SLC4A8: variants seen among roughly 807,000 people sequenced by gnomAD.
The protein encoded by SLC4A8 is electroneutral sodium bicarbonate exchanger 1.
Under a neutral mutation model 125.0 loss-of-function variants are expected in SLC4A8, and 40 were observed. The observed-to-expected ratio is 0.32, with a 90% CI of 0.25 to 0.42. The LOEUF is 0.42. Among genes scored for constraint, SLC4A8 ranks in the 10% least tolerant of loss-of-function variants. SLC4A8 has a pLI of 1.00. For synonymous variants in SLC4A8, 456 were observed against 476.0 expected, an observed-to-expected ratio of 0.96 and a Z score of 0.55; for missense variants, 863 against 1,355.1, an observed-to-expected ratio of 0.64 and a Z score of 5.70.
chr12:51,434,462 C>T (rs2138088269), intron 1 of SLC4A8, among the ~76,000 whole-genome samples: 1 of 152,252 alleles, frequency 6.6e-6, no homozygotes, highest in East Asian at 1.9e-4. Context: ...CAAGCCTGAC[C>T]TTTCAAATGC....
chr12:51,512,942 G>C lies in SLC4A8; in HGVS notation c.*5504G>C, dbSNP rs1361862270. The C allele has an allele frequency of 6.6e-6, 1 of 152,210 alleles. No homozygotes were observed. Among genetic ancestry groups the C allele is most frequent in the African/African-American group, 2.4e-5 (1 of 41,460 alleles). The allele number at this position is 152,210 out of a possible 1,614,324, so 9.4% of individuals were successfully genotyped here. Reference sequence around the variant, plus strand: ...TTAGGTGATTTCCATGACCACATTTGCTTGGGCCAGGGAAGTGGTGCACCT... The same window carrying C: ...TTAGGTGATTTCCATGACCACATTTCCTTGGGCCAGGGAAGTGGTGCACCT... On this transcript the variant is annotated 3_prime_UTR_variant, in exon 25 of 25. Coordinates refer to ENST00000453097, the MANE Select transcript of SLC4A8 (RefSeq NM_001039960.3).
chr12:51,434,951 A>G (rs1949352164), intron 1 of SLC4A8, among the ~76,000 whole-genome samples: 1 of 152,198 alleles, frequency 6.6e-6, no homozygotes, highest in Admixed American at 6.5e-5. Flanking sequence ...TGTACTGGAC[A>G]TTGTACTGGG....
At chr12:51,404,696 A>C (rs958732755) in intron 1 of SLC4A8, among the ~76,000 whole-genome samples, 4 of 152,206 alleles carry the variant, frequency 2.6e-5, no homozygotes, top group African/African-American at 9.7e-5. Flanking sequence ...GAAAGCAGAG[A>C]AAGATAAAGA....
chr12:51,437,421 A>G (rs910291182), intron 1 of SLC4A8, among the ~76,000 whole-genome samples: 8 of 152,214 alleles, frequency 5.3e-5, no homozygotes, highest in Non-Finnish European at 1.0e-4. Flanking sequence ...CAGATGCCTC[A>G]TGAATGTCTT....
chr12:51,415,611 A>C (rs2137983861), intron 1 of SLC4A8, among the ~76,000 whole-genome samples: 1 of 152,032 alleles, frequency 6.6e-6, no homozygotes, highest in East Asian at 1.9e-4. Context: ...TCTTTCTTGT[A>C]TGTCCAGTAA....
At chr12:51,391,696 C>T (rs1351207335) in intron 1 of SLC4A8, 1 of 152,194 alleles carries the variant, frequency 6.6e-6, no homozygotes, top group Admixed American at 6.5e-5. Context: ...CGGGACCTCC[C>T]CCAGCTGCAC....
intron 16 of SLC4A8, 27 bp downstream of exon 16, chr12:51,475,233 T>G: frequency 6.2e-7 from 1 of 1,609,636 alleles, no homozygotes; most frequent in Non-Finnish European, 8.5e-7. Flanking sequence ...TGCATTTCTT[T>G]CACGTTAGAA....
chr12:51,498,202 G>A (rs1478770329), intron 22 of SLC4A8, among the ~76,000 whole-genome samples: 1 of 152,078 alleles, frequency 6.6e-6, no homozygotes, highest in Non-Finnish European at 1.5e-5. Context: ...AAAATGTGAT[G>A]CTTTCAGGCA....
At position 51,394,969 on chromosome 12, in the gene SLC4A8, C is replaced by T. The variant is rs144184061; in HGVS notation, c.-112+3481C>T. On this transcript the variant is annotated intron_variant, in intron 1 of 24. Coordinates refer to the SLC4A8 transcript ENST00000358657. ...GCTTGAGCCTAGGAGTTAGAGGCTG[C>T]GGCGAGCTGTGACTGCAATGCTACA... Among the ~76,000 whole-genome samples, 1,143 of 151,826 alleles carry T rather than the reference C, an allele frequency of 7.5e-3. 24 individuals are homozygous for T. Among genetic ancestry groups the T allele is most frequent in the African/African-American group, 0.026 (1,088 of 41,356 alleles).
In SLC4A8 at chr12:51,508,684, G is replaced by A. The variant is rs1938263802; in HGVS notation, c.*1246G>A. 1.3e-5 allele frequency: 2 copies of A among 152,396 alleles called. No homozygotes were observed. Among genetic ancestry groups the A allele is most frequent in the African/African-American group, 2.4e-5 (1 of 41,444 alleles). 9.4% of individuals were successfully genotyped at this position (152,396 alleles called of 1,614,324 possible). On this transcript the variant is annotated 3_prime_UTR_variant, in exon 25 of 25. Coordinates refer to ENST00000453097, the MANE Select transcript of SLC4A8 (RefSeq NM_001039960.3). ...TATTTAATTTAAAACTACATTTATA[G>A]TTTTTCTCTTCTCTTCTATGTTGCA...
At chr12:51,477,639 A>G (rs1160951078) in intron 16 of SLC4A8, among the ~76,000 whole-genome samples, 1 of 152,230 alleles carries the variant, frequency 6.6e-6, no homozygotes, top group Non-Finnish European at 1.5e-5. Context: ...ACCATACCAC[A>G]TGATGACTCC....
At chr12:51,481,642 G>A (rs1306138599) in intron 16 of SLC4A8, among the ~76,000 whole-genome samples, 1 of 151,992 alleles carries the variant, frequency 6.6e-6, no homozygotes, top group Admixed American at 6.6e-5. Context: ...AAAATCCTAG[G>A]TTATGAAACA....
At chr12:51,497,365 T>A (rs1175446960) in intron 22 of SLC4A8, 1 of 450,418 alleles carries the variant, frequency 2.2e-6, no homozygotes, top group Non-Finnish European at 4.0e-6. Context: ...ACCAGGCTCA[T>A]ACCTACAATG....
intron 16 of SLC4A8, among the ~76,000 whole-genome samples, chr12:51,477,068 C>T (rs1164528864): frequency 2.6e-5 from 4 of 151,864 alleles, no homozygotes. Flanking sequence ...CCATGCCTGG[C>T]TAATTTTGTA....
rs182430253 is a variant in SLC4A8, at chr12:51,427,372, T to C, written c.48+2337T>C. On this transcript the variant is annotated intron_variant, in intron 1 of 24. Transcript: ENST00000453097. ...GAGGGCATCATGACCCTTAGGTTTC[T>C]GTTAGTGTTCTGTGAAATTAGTAAT... is the stretch of plus-strand genomic sequence containing the variant. Among the ~76,000 whole-genome samples, 7 of 152,312 alleles carry C rather than the reference T, an allele frequency of 4.6e-5. No homozygotes were observed. In the East Asian group the frequency reaches 1.4e-3, roughly 29 times the overall value.
At position 51,452,119 on chromosome 12, in the gene SLC4A8, C is replaced by T; in HGVS notation, c.278-5C>T. ...GCAGACCTTTCTCTTTGGTTGATTT[C>T]CTAGACACACCATCTCAGCGTGTTC... is the stretch of plus-strand genomic sequence containing the variant. On this transcript the variant is annotated splice_polypyrimidine_tract_variant and splice_region_variant and intron_variant, in intron 3 of 24. Transcript: ENST00000453097. 6 of 1,614,042 alleles carry T rather than the reference C, an allele frequency of 3.7e-6. No individual in the cohort carries two copies. Among genetic ancestry groups the T allele is most frequent in the Non-Finnish European group, 5.1e-6 (6 of 1,179,926 alleles).
intron 16 of SLC4A8, among the ~76,000 whole-genome samples, chr12:51,483,035 C>T (rs11169852): frequency 0.071 from 10,781 of 152,184 alleles, 501 homozygotes; most frequent in East Asian, 0.22. Flanking sequence ...TCATTTTAGG[C>T]ATCATTCTTT....
chr12:51,396,155 A>T (rs1948256537), intron 1 of SLC4A8, among the ~76,000 whole-genome samples: 1 of 152,256 alleles, frequency 6.6e-6, no homozygotes, highest in African/African-American at 2.4e-5. Flanking sequence ...CATCTGGTAC[A>T]CAATAAGCAG....
At chr12:51,429,487 T>C (rs1244939811) in intron 1 of SLC4A8, among the ~76,000 whole-genome samples, 3 of 152,078 alleles carry the variant, frequency 2.0e-5, no homozygotes. Flanking sequence ...TGATGAGATC[T>C]CTGAAGGTGT....
Sources: allele counts gnomAD v4.1 joint callset (sites outside exome capture counted in the v4.1 genomes callset), GRCh38; gene constraint gnomAD v4.1.1; transcripts MANE v1.5; gene names NCBI Gene and HGNC (gene_info 2026-07-23, HGNC 2026-07-21).